The following RHOC variants were observed in gnomAD, a reference collection of about 807,000 sequenced individuals.
The protein encoded by RHOC is ras homolog family member C.
Under a neutral mutation model 19.5 loss-of-function variants are expected in RHOC, and 13 were observed. The ratio of observed to expected loss-of-function variants is 0.67; its 90% CI spans 0.43 to 1.06. RHOC has a LOEUF of 1.06. Ranked by LOEUF, RHOC falls within the 50% of genes least tolerant of loss-of-function variation. RHOC has a pLI of 0.00. For synonymous variants in RHOC, 106 were observed against 97.3 expected (o/e 1.09, Z -0.52); for missense variants, 173 against 256.9 (o/e 0.67, Z 2.23).
chr1:112,705,349 T>C, intron 1 of RHOC, 181 bp from the exon 2 acceptor site: 1 of 618,820 alleles, frequency 1.6e-6, no homozygotes, highest in Non-Finnish European at 2.9e-6. Flanking sequence ...CTGGGCTGAC[T>C]GAACGCCTCT....
intron 1 of RHOC, 113 bp from the exon 2 acceptor site, chr1:112,705,281 G>C (rs921685259): frequency 1.5e-6 from 1 of 674,472 alleles, no homozygotes; most frequent in African/African-American, 1.8e-5. Context: ...AGAAAGCGAC[G>C]GTAACCTGAT....
At chr1:112,706,503 CACACA>C (rs1674891635) in intron 1 of RHOC, among the ~76,000 whole-genome samples, 4 of 61,602 alleles carry the variant, frequency 6.5e-5, no homozygotes, top group African/African-American at 2.5e-4. Flanking sequence ...CACACACACA[CACACA>C]CACACACACA....
chr1:112,702,152 A>C (rs1461875800), intron 5 of RHOC, among the ~76,000 whole-genome samples: 1 of 152,188 alleles, frequency 6.6e-6, no homozygotes, highest in African/African-American at 2.4e-5. Flanking sequence ...AGGTCCCTGA[A>C]TAAGCCAGCT....
rs1179616854 is a variant in RHOC at position 112,703,450 on chromosome 1, G to A, written c.156+194C>T. On this transcript the variant is annotated intron_variant, in intron 3 of 5. Coordinates refer to ENST00000339083, the MANE Select transcript of RHOC (RefSeq NM_175744.5). ...GCAAAGGGACTCGGCCCAGGTTACAGAGCCAGTCTGTGGGAGAACCAGAAA... is the reference window on the plus strand; with the variant it reads ...GCAAAGGGACTCGGCCCAGGTTACAAAGCCAGTCTGTGGGAGAACCAGAAA... The A allele has an allele frequency of 8.2e-6, 6 of 729,742 alleles. No individual in the cohort carries two copies. The African/African-American group carries it at 1.0e-4, about 13-fold the overall frequency. The allele number at this position is 729,742 out of a possible 1,614,324, so 45.2% of individuals were successfully genotyped here.
chr1:112,702,934 G>A (rs1674707502), intron 4 of RHOC, 65 bp downstream of exon 4: 1 of 1,587,288 alleles, frequency 6.3e-7, no homozygotes. Flanking sequence ...CTGAAGACAG[G>A]CCAAGGCACG....
chr1:112,706,484 A>ACCCACAC (rs1557780746), intron 1 of RHOC, among the ~76,000 whole-genome samples: 184 of 15,412 alleles, frequency 0.012, 12 homozygotes, highest in South Asian at 0.022. Flanking sequence ...ACACACACAC[A>ACCCACAC]CACACACACA....
rs1361734281 is a variant in RHOC, at chr1:112,701,425, A to T, written c.*115T>A. 1 of 1,605,384 alleles carries T rather than the reference A, an allele frequency of 6.2e-7. No homozygotes were observed. On this transcript the variant is annotated 3_prime_UTR_variant, in exon 6 of 6. Transcript: ENST00000339083. ...AGAAAACAATGCAGTCCTGGGCAGG[A>T]GGGAACTGAAAATGGGAGCCTTCAG... is the stretch of plus-strand genomic sequence containing the variant.
At chr1:112,701,788 A>G in intron 5 of RHOC, 75 bp from the exon 6 acceptor site, 1 of 1,509,468 alleles carries the variant, frequency 6.6e-7, no homozygotes, top group South Asian at 1.1e-5. Flanking sequence ...CCATAAGTGT[A>G]GCAGCTGGAA....
intron 1 of RHOC, among the ~76,000 whole-genome samples, chr1:112,706,491 CACA>C (rs1674885407): frequency 3.3e-4 from 9 of 27,132 alleles, no homozygotes; most frequent in East Asian, 1.2e-3. Flanking sequence ...CACACACACA[CACA>C]CACACACACA....
At chr1:112,705,317 C>T (rs1674803594) in intron 1 of RHOC, 149 bp from the exon 2 acceptor site, 2 of 638,298 alleles carry the variant, frequency 3.1e-6, no homozygotes, top group Non-Finnish European at 5.7e-6. Flanking sequence ...AGCTTTTTCT[C>T]TCAGTCCCAC....
At position 112,701,350 on chromosome 1, in the gene RHOC, G is replaced by A. The variant is rs927830778; in HGVS notation, c.*190C>T. 9.5e-6 allele frequency: 14 copies of A among 1,481,068 alleles called. No individual in the cohort carries two copies. Among genetic ancestry groups the A allele is most frequent in the East Asian group, 4.9e-5 (2 of 40,450 alleles). 91.7% of individuals were successfully genotyped at this position (1,481,068 alleles called of 1,614,324 possible). ...CCCTGAGGAAGGGCAGGGCATAGGC[G>A]TGGCTCCCAGAGCGCTGGGAGGGAG... is the stretch of plus-strand genomic sequence containing the variant. On this transcript the variant is annotated 3_prime_UTR_variant, in exon 6 of 6. Coordinates refer to ENST00000339083, the MANE Select transcript of RHOC (RefSeq NM_175744.5).
chr1:112,701,338 C>A lies in RHOC; in HGVS notation c.*202G>T. The A allele has an allele frequency of 7.6e-6, 11 of 1,444,786 alleles. No individual in the cohort carries two copies. Among genetic ancestry groups the A allele is most frequent in the Non-Finnish European group, 1.0e-5 (11 of 1,079,788 alleles). 89.5% of individuals were successfully genotyped at this position (1,444,786 alleles called of 1,614,324 possible). On this transcript the variant is annotated 3_prime_UTR_variant, in exon 6 of 6. Transcript: ENST00000339083. ...GATCCCCAGGGGCCCTGAGGAAGGG[C>A]AGGGCATAGGCGTGGCTCCCAGAGC... is the stretch of plus-strand genomic sequence containing the variant.
intron 2 of RHOC, 125 bp downstream of exon 2, chr1:112,704,975 C>A (rs1460899498): frequency 1.5e-6 from 1 of 654,218 alleles, no homozygotes; most frequent in Admixed American, 2.1e-5. Flanking sequence ...TGACTCAGGG[C>A]AAGGAGTCAG....
intron 5 of RHOC, 72 bp from the exon 6 acceptor site, chr1:112,701,785 T>C: frequency 2.0e-6 from 3 of 1,527,390 alleles, no homozygotes; most frequent in Admixed American, 1.7e-5. Context: ...CACCCATAAG[T>C]GTAGCAGCTG....
At position 112,703,270 on chromosome 1, in the gene RHOC, A is replaced by G. The variant is rs553897434; in HGVS notation, c.157-151T>C. On this transcript the variant is annotated intron_variant, in intron 3 of 5. Coordinates refer to ENST00000339083, the MANE Select transcript of RHOC (RefSeq NM_175744.5). ...ATTATATTAATCACTGTCCCACAAC[A>G]TAAATTAGGTCAGTTTGTTAAAGAA... 5 of 854,020 alleles carry G rather than the reference A, an allele frequency of 5.9e-6. No individual in the cohort carries two copies. In the East Asian group the frequency reaches 1.3e-4, roughly 23 times the overall value. 52.9% of individuals were successfully genotyped at this position (854,020 alleles called of 1,614,324 possible).
chr1:112,706,501 CA>C (rs1238054254), intron 1 of RHOC, among the ~76,000 whole-genome samples: 1 of 59,544 alleles, frequency 1.7e-5, no homozygotes, highest in African/African-American at 6.5e-5. Flanking sequence ...CACACACACA[CA>C]CACACACACA....
At chr1:112,704,777 T>G (rs1324240768) in intron 2 of RHOC, 1 of 321,028 alleles carries the variant, frequency 3.1e-6, no homozygotes, top group South Asian at 5.6e-5. Flanking sequence ...CCCTTCCTCC[T>G]AGGCCTGCCA....
intron 1 of RHOC, chr1:112,705,922 G>A (rs1557780147): frequency 6.0e-6 from 2 of 333,764 alleles, no homozygotes; most frequent in Admixed American, 3.8e-5. Flanking sequence ...TGAGGCATGC[G>A]TTAAGGGACC....
At chr1:112,706,494 A>ACCACACACACACACACACACCCCCACAC (rs1557780825) in intron 1 of RHOC, among the ~76,000 whole-genome samples, 2 of 35,976 alleles carry the variant, frequency 5.6e-5, no homozygotes, top group Admixed American at 3.6e-4. Context: ...ACACACACAC[A>ACCACACACACACACACACACCCCCACAC]CACACACACA....
Sources: allele counts gnomAD v4.1 joint callset (sites outside exome capture counted in the v4.1 genomes callset), GRCh38; gene constraint gnomAD v4.1.1; transcripts MANE v1.5; gene names NCBI Gene and HGNC (gene_info 2026-07-23, HGNC 2026-07-21).